Variants in NALF1 observed in about 807,000 individuals in gnomAD.
NALF1 encodes NALCN channel auxiliary factor 1.
In NALF1, 3 loss-of-function variants were observed where a neutral mutation model predicts 48.4. That is an observed-to-expected ratio of 0.06 (90% CI 0.03 to 0.16). The LOEUF (loss-of-function observed/expected upper bound fraction) is 0.16, where lower values mean the gene tolerates loss of function less well. NALF1 is among the 10% of genes least tolerant of loss of function. The probability of loss-of-function intolerance (pLI) is 1.00; values close to 1 mark genes in which losing one functional copy is unlikely to be tolerated. For synonymous variants in NALF1, 262 were observed against 245.7 expected, an observed-to-expected ratio of 1.07 and a Z score of -0.62; for missense variants, 526 against 571.5, an observed-to-expected ratio of 0.92 and a Z score of 0.81.
At position 107,741,278 on chromosome 13, in the gene NALF1, T is replaced by C. The variant is rs376967261; in HGVS notation, c.915+124404A>G. 5.1e-4 allele frequency among the ~76,000 whole-genome samples: 77 copies of C among 152,328 alleles called. 1 individual carries two copies. In the South Asian group the frequency reaches 0.016, roughly 31 times the overall value. On this transcript the variant is annotated intron_variant, in intron 1 of 2. Transcript: ENST00000375915. ...AGTGTTGTTTCCCCAAATAGCAATG[T>C]AGCAAAAAGTATTTTCCTACCCTAA...
In NALF1 at chr13:107,202,864, G is replaced by A. The variant is rs572129319; in HGVS notation, c.1087+7720C>T. Reference sequence around the variant, plus strand: ...AGGATGGGCTGGCTGGTCGTTTCCTGTTCCACTACAAATGCTGGACTAAGA... The same window carrying A: ...AGGATGGGCTGGCTGGTCGTTTCCTATTCCACTACAAATGCTGGACTAAGA... On this transcript the variant is annotated intron_variant, in intron 2 of 2. Coordinates refer to ENST00000375915, the MANE Select transcript of NALF1 (RefSeq NM_001080396.3). 4.6e-5 allele frequency among the ~76,000 whole-genome samples: 7 copies of A among 152,262 alleles called. No homozygotes were observed. The East Asian group carries it at 1.3e-3, about 29-fold the overall frequency.
At chr13:107,319,410 A>G (rs910976689) in intron 1 of NALF1, among the ~76,000 whole-genome samples, 40 of 152,090 alleles carry the variant, frequency 2.6e-4, no homozygotes, top group African/African-American at 8.9e-4. Flanking sequence ...TGGAGATATG[A>G]CAAGAACCTG....
chr13:107,189,812 G>A (rs1879245731), intron 2 of NALF1, among the ~76,000 whole-genome samples: 1 of 152,222 alleles, frequency 6.6e-6, no homozygotes, highest in African/African-American at 2.4e-5. Context: ...GGAGTTTCAT[G>A]AAGCACATTT....
intron 2 of NALF1, among the ~76,000 whole-genome samples, chr13:107,174,251 G>C (rs889364880): frequency 6.6e-6 from 1 of 152,158 alleles, no homozygotes; most frequent in South Asian, 2.1e-4. Context: ...AAAATAACAA[G>C]CACAGGAAGT....
chr13:107,391,753 C>T (rs192696620), intron 1 of NALF1, among the ~76,000 whole-genome samples: 2 of 152,178 alleles, frequency 1.3e-5, no homozygotes, highest in Admixed American at 6.5e-5. Context: ...TGGAAGCACC[C>T]GCCCTGCCCC....
At chr13:107,815,821 C>T (rs1350151144) in intron 1 of NALF1, among the ~76,000 whole-genome samples, 2 of 152,132 alleles carry the variant, frequency 1.3e-5, no homozygotes, top group Admixed American at 1.3e-4. Context: ...ATGACTGCAA[C>T]ACTGATATAT....
At position 107,535,015 on chromosome 13, in the gene NALF1, G is replaced by A. The variant is rs112992745; in HGVS notation, c.916-324260C>T. On this transcript the variant is annotated intron_variant, in intron 1 of 2. Coordinates refer to ENST00000375915, the MANE Select transcript of NALF1 (RefSeq NM_001080396.3). ...GTTATTGCTGTATAAGAATGCTTGT[G>A]ATTTTTGCACATTGATTTTGTATCC... is the stretch of plus-strand genomic sequence containing the variant. Among the ~76,000 whole-genome samples, 329 of 152,254 alleles carry A rather than the reference G, an allele frequency of 2.2e-3. 1 individual carries two copies. Among genetic ancestry groups the A allele is most frequent in the African/African-American group, 7.7e-3 (321 of 41,566 alleles).
intron 1 of NALF1, among the ~76,000 whole-genome samples, chr13:107,753,432 T>TGTC: frequency 6.6e-6 from 1 of 151,854 alleles, no homozygotes; most frequent in South Asian, 2.1e-4. Context: ...AAATCTTCTT[T>TGTC]GTTGTTGTTG....
intron 1 of NALF1, among the ~76,000 whole-genome samples, chr13:107,810,470 C>G (rs912940472): frequency 2.0e-5 from 3 of 152,204 alleles, no homozygotes; most frequent in Admixed American, 6.5e-5. Context: ...CACCTCTATA[C>G]AGATAAGCCC....
chr13:107,236,962 G>A (rs1236197794), intron 1 of NALF1, among the ~76,000 whole-genome samples: 2 of 152,076 alleles, frequency 1.3e-5, no homozygotes, highest in Admixed American at 1.3e-4. Flanking sequence ...GTATACAGGA[G>A]GATGTATGTA....
intron 1 of NALF1, among the ~76,000 whole-genome samples, chr13:107,700,653 T>C (rs887261367): frequency 6.6e-6 from 1 of 151,808 alleles, no homozygotes; most frequent in Admixed American, 6.6e-5. Flanking sequence ...ACTAAAAAGC[T>C]CCTGTGAAGC....
intron 1 of NALF1, among the ~76,000 whole-genome samples, chr13:107,671,574 A>C (rs1363559694): frequency 1.3e-5 from 2 of 152,206 alleles, no homozygotes; most frequent in African/African-American, 4.8e-5. Context: ...ACAACTACAC[A>C]AAAGACTGAT....
chr13:107,757,408 C>G (rs1384155649), intron 1 of NALF1, among the ~76,000 whole-genome samples: 3 of 141,376 alleles, frequency 2.1e-5, no homozygotes, highest in Non-Finnish European at 4.5e-5. Flanking sequence ...AACACTGGCC[C>G]TCATTTCTTT....
intron 1 of NALF1, among the ~76,000 whole-genome samples, chr13:107,505,020 C>A (rs942252607): frequency 6.6e-6 from 1 of 152,132 alleles, no homozygotes; most frequent in Non-Finnish European, 1.5e-5. Context: ...CATAGATAGA[C>A]CAACATGTAT....
At chr13:107,321,336 A>C (rs1882250836) in intron 1 of NALF1, among the ~76,000 whole-genome samples, 1 of 152,160 alleles carries the variant, frequency 6.6e-6, no homozygotes, top group Non-Finnish European at 1.5e-5. Context: ...AAAAAATATG[A>C]GAACATCGCA....
At position 107,549,152 on chromosome 13, in the gene NALF1, G is replaced by C. The variant is rs142337885; in HGVS notation, c.915+316530C>G. On this transcript the variant is annotated intron_variant, in intron 1 of 2. Coordinates refer to ENST00000375915, the MANE Select transcript of NALF1 (RefSeq NM_001080396.3). ...GTGATGTGGAATTGCTAAATGCAAA[G>C]AAGCTTAATTACCTTTGAGCAAAAT... Among the ~76,000 whole-genome samples, 600 of 152,222 alleles carry C rather than the reference G, an allele frequency of 3.9e-3. 2 individuals are homozygous for C. The highest frequency in any genetic ancestry group is 0.014 in the African/African-American group (572 of 41,532).
At chr13:107,730,815 T>C (rs1356748566) in intron 1 of NALF1, among the ~76,000 whole-genome samples, 2 of 152,224 alleles carry the variant, frequency 1.3e-5, no homozygotes, top group African/African-American at 4.8e-5. Context: ...TAAGTGCTAG[T>C]GATACTTCAG....
At chr13:107,659,495 T>C (rs1445942104) in intron 1 of NALF1, among the ~76,000 whole-genome samples, 1 of 132,116 alleles carries the variant, frequency 7.6e-6, no homozygotes, top group Non-Finnish European at 1.6e-5. Flanking sequence ...CCTTCCCCTA[T>C]AGCATTTATT....
chr13:107,527,136 A>C (rs183222728), intron 1 of NALF1, among the ~76,000 whole-genome samples: 1 of 152,130 alleles, frequency 6.6e-6, no homozygotes, highest in South Asian at 2.1e-4. Context: ...GTAAGGAAAA[A>C]AATAAATGTC....
Sources: allele counts gnomAD v4.1 joint callset (sites outside exome capture counted in the v4.1 genomes callset), GRCh38; gene constraint gnomAD v4.1.1; transcripts MANE v1.5; gene names NCBI Gene and HGNC (gene_info 2026-07-23, HGNC 2026-07-21).